Variants in DTNA observed in about 807,000 individuals in gnomAD.
DTNA encodes the protein dystrophin-related protein 3.
DTNA carries 43 observed loss-of-function variants against 100.7 expected under a neutral mutation model. The observed-to-expected ratio is 0.43, with a 90% CI of 0.33 to 0.55. The LOEUF (loss-of-function observed/expected upper bound fraction) is 0.55. DTNA is among the 20% of genes least tolerant of loss of function. The probability of loss-of-function intolerance (pLI) is 0.04; values close to 1 mark genes in which losing one functional copy is unlikely to be tolerated. For missense variants in DTNA, 798 were observed against 953.9 expected (o/e 0.84, Z 2.15); for synonymous variants, 349 against 347.9 (o/e 1.00, Z -0.04).
In DTNA at chr18:34,684,933, G is replaced by A. The variant is rs181034200; in HGVS notation, c.-1-71043G>A. 7.6e-3 allele frequency among the ~76,000 whole-genome samples: 1,163 copies of A among 152,174 alleles called. 20 individuals carry two copies. The highest frequency in any genetic ancestry group is 0.027 in the African/African-American group (1,118 of 41,532). On this transcript the variant is annotated intron_variant, in intron 1 of 19. Coordinates refer to the DTNA transcript ENST00000283365. ...GCTTCTTTTCATATGTTTTTTGGCC[G>A]CATAAATGTCTTCTTTTGAAAAATG...
chr18:34,829,264 C>G, intron 10 of DTNA, 136 bp from the exon 11 acceptor site: 1 of 1,522,884 alleles, frequency 6.6e-7, no homozygotes, highest in Non-Finnish European at 8.8e-7. Flanking sequence ...TCTGTCACCA[C>G]AGAGATTGGC....
At chr18:34,505,924 A>G (rs2040443923) in intron 1 of DTNA, among the ~76,000 whole-genome samples, 1 of 152,130 alleles carries the variant, frequency 6.6e-6, no homozygotes, top group African/African-American at 2.4e-5. Flanking sequence ...CCATTTTCTT[A>G]TATGTTAAGA....
At position 34,586,253 on chromosome 18, in the gene DTNA, C is replaced by T. The variant is rs191057677; in HGVS notation, c.-2+92739C>T. ...GTCCCCACCAAAACTCATGTTGAGG[C>T]TTGGTTCCCAATGTGGTGGTGTTGG... On this transcript the variant is annotated intron_variant, in intron 1 of 19. Coordinates refer to the DTNA transcript ENST00000283365. Among the ~76,000 whole-genome samples, 337 of 152,296 alleles carry T rather than the reference C, an allele frequency of 2.2e-3. 4 individuals carry two copies. The highest frequency in any genetic ancestry group is 2.1e-3 in the Non-Finnish European group (142 of 68,008).
chr18:34,879,946 C>T (rs575522096), intron 20 of DTNA, among the ~76,000 whole-genome samples: 96 of 152,150 alleles, frequency 6.3e-4, no homozygotes, highest in African/African-American at 2.0e-3. Flanking sequence ...CCAACCAGTG[C>T]CTATCAAGAG....
At chr18:34,612,075 C>G (rs1435989260) in intron 1 of DTNA, among the ~76,000 whole-genome samples, 2 of 152,202 alleles carry the variant, frequency 1.3e-5, no homozygotes, top group African/African-American at 4.8e-5. Context: ...CCAGCTGACA[C>G]GGGCCACCGC....
At chr18:34,566,748 A>G (rs950653846) in intron 1 of DTNA, among the ~76,000 whole-genome samples, 2 of 152,194 alleles carry the variant, frequency 1.3e-5, no homozygotes, top group Non-Finnish European at 2.9e-5. Flanking sequence ...CAGGGATCCT[A>G]CTGAATCCAC....
chr18:34,503,743 T>C (rs1037178106), intron 1 of DTNA, among the ~76,000 whole-genome samples: 1 of 152,092 alleles, frequency 6.6e-6, no homozygotes, highest in African/African-American at 2.4e-5. Context: ...GTTTTTTTTT[T>C]CCTACCATCC....
At chr18:34,650,415 TTG>T (rs1401012836) in intron 1 of DTNA, among the ~76,000 whole-genome samples, 1 of 152,134 alleles carries the variant, frequency 6.6e-6, no homozygotes, top group African/African-American at 2.4e-5. Flanking sequence ...ATGTGCATGT[TTG>T]TGTGTTTTTC....
At chr18:34,615,422 C>A (rs2055062016) in intron 1 of DTNA, among the ~76,000 whole-genome samples, 1 of 152,092 alleles carries the variant, frequency 6.6e-6, no homozygotes, top group Admixed American at 6.5e-5. Context: ...TTTAAAATTG[C>A]CATAGCCACC....
At chr18:34,608,882 A>G (rs1011541326) in intron 1 of DTNA, among the ~76,000 whole-genome samples, 2 of 152,160 alleles carry the variant, frequency 1.3e-5, no homozygotes, top group African/African-American at 4.8e-5. Flanking sequence ...TACCTTCTCT[A>G]AGTGCTATTG....
At chr18:34,695,492 A>T (rs1187063323) in intron 1 of DTNA, among the ~76,000 whole-genome samples, 1 of 152,126 alleles carries the variant, frequency 6.6e-6, no homozygotes. Flanking sequence ...CCTGGTAACC[A>T]GTGGAGGCGC....
intron 1 of DTNA, among the ~76,000 whole-genome samples, chr18:34,545,661 T>A (rs970136503): frequency 1.8e-4 from 27 of 152,214 alleles, no homozygotes; most frequent in African/African-American, 6.3e-4. Flanking sequence ...GATATGCAAG[T>A]TTGGATTTCA....
At chr18:34,820,415 G>T (rs1008303710) in intron 8 of DTNA, among the ~76,000 whole-genome samples, 3 of 152,128 alleles carry the variant, frequency 2.0e-5, no homozygotes, top group Admixed American at 6.5e-5. Context: ...GCCATATAAA[G>T]ATTTTGATGA....
At chr18:34,506,104 C>T (rs945677144) in intron 1 of DTNA, among the ~76,000 whole-genome samples, 1 of 152,168 alleles carries the variant, frequency 6.6e-6, no homozygotes, top group Admixed American at 6.5e-5. Flanking sequence ...ACTGATACTT[C>T]CAGCTATGAA....
intron 1 of DTNA, among the ~76,000 whole-genome samples, chr18:34,646,991 G>A (rs1045217348): frequency 2.4e-5 from 3 of 123,004 alleles, no homozygotes; most frequent in Non-Finnish European, 3.5e-5. Context: ...TGGGATTACA[G>A]GTGTGAGCCA....
At position 34,887,284 on chromosome 18, in the gene DTNA, C is replaced by A. The variant is rs114310810; in HGVS notation, c.*32-482C>A. Among the ~76,000 whole-genome samples, 802 of 152,312 alleles carry A rather than the reference C, an allele frequency of 5.3e-3. 7 individuals carry two copies. Among genetic ancestry groups the A allele is most frequent in the African/African-American group, 0.018 (758 of 41,566 alleles). ...GCACTCAGCTTAGGGTCCTCCAAGACTCAATTTTAGCCCATTTAGGTATTC... is the reference window on the plus strand; with the variant it reads ...GCACTCAGCTTAGGGTCCTCCAAGAATCAATTTTAGCCCATTTAGGTATTC... On this transcript the variant is annotated intron_variant, in intron 22 of 22. Transcript: ENST00000444659.
chr18:34,544,982 C>T (rs1209903672), intron 1 of DTNA, among the ~76,000 whole-genome samples: 1 of 151,980 alleles, frequency 6.6e-6, no homozygotes, highest in Non-Finnish European at 1.5e-5. Flanking sequence ...GTGATTCCAA[C>T]AAGTGGCAGA....
At chr18:34,522,165 C>T (rs1292188117) in intron 1 of DTNA, among the ~76,000 whole-genome samples, 1 of 152,130 alleles carries the variant, frequency 6.6e-6, no homozygotes, top group Non-Finnish European at 1.5e-5. Flanking sequence ...TGTAACTGCA[C>T]TTTAATATTT....
intron 17 of DTNA, among the ~76,000 whole-genome samples, chr18:34,865,607 T>C (rs2096690688): frequency 6.6e-6 from 1 of 152,274 alleles, no homozygotes; most frequent in South Asian, 2.1e-4. Flanking sequence ...CATAACCTGC[T>C]GCTGTTTCTG....
Sources: allele counts gnomAD v4.1 joint callset (sites outside exome capture counted in the v4.1 genomes callset), GRCh38; gene constraint gnomAD v4.1.1; transcripts MANE v1.5; gene names NCBI Gene and HGNC (gene_info 2026-07-23, HGNC 2026-07-21).